The following MAPK1IP1L variants were observed in gnomAD, a reference collection of about 807,000 sequenced individuals.
MAPK1IP1L encodes mitogen-activated protein kinase 1 interacting protein 1 like.
In MAPK1IP1L, 10 loss-of-function variants were observed where a neutral mutation model predicts 18.1. The ratio of observed to expected loss-of-function variants is 0.55; its 90% CI spans 0.34 to 0.94. The LOEUF is 0.94. Among genes scored for constraint, MAPK1IP1L ranks in the 40% least tolerant of loss-of-function variants. MAPK1IP1L has a pLI of 0.02. For synonymous variants in MAPK1IP1L, 115 were observed against 117.3 expected, an observed-to-expected ratio of 0.98 and a Z score of 0.13; for missense variants, 260 against 318.2, an observed-to-expected ratio of 0.82 and a Z score of 1.39.
intron 1 of MAPK1IP1L, among the ~76,000 whole-genome samples, chr14:55,057,546 C>G (rs936937365): frequency 6.6e-6 from 1 of 152,036 alleles, no homozygotes; most frequent in African/African-American, 2.4e-5. Context: ...ATCACAAGGT[C>G]AAGAGATGGA....
At position 55,054,100 on chromosome 14, in the gene MAPK1IP1L, G is replaced by A. The variant is rs117817374; in HGVS notation, c.-5+2297G>A. ...ACCCCCGTTTTTGAGTTGCCCAAAT[G>A]TAAAAAATGGAACATAAGCAGATAA... On this transcript the variant is annotated intron_variant, in intron 1 of 3. Transcript: ENST00000395468. 9.1e-3 allele frequency among the ~76,000 whole-genome samples: 1,376 copies of A among 150,784 alleles called. 6 individuals carry two copies. The highest frequency in any genetic ancestry group is 0.014 in the Non-Finnish European group (980 of 67,780).
At position 55,066,070 on chromosome 14, in the gene MAPK1IP1L, A is replaced by G. The variant is rs1161788163; in HGVS notation, c.*1443A>G. 1 of 152,122 alleles carries G rather than the reference A, an allele frequency of 6.6e-6. No individual in the cohort carries two copies. The highest frequency in any genetic ancestry group is 6.5e-5 in the Admixed American group (1 of 15,280). The allele number at this position is 152,122 out of a possible 1,614,324, so 9.4% of individuals were successfully genotyped here. A position where few individuals can be genotyped will look rare whatever the true frequency, so the allele number is the denominator to read the frequency against. ...TAGACCTGACCTTGTTATTTATTAGATAACATTTTGAATGTATCCATTGGA... is the reference window on the plus strand; with the variant it reads ...TAGACCTGACCTTGTTATTTATTAGGTAACATTTTGAATGTATCCATTGGA... On this transcript the variant is annotated 3_prime_UTR_variant, in exon 4 of 4. Coordinates refer to ENST00000395468, the MANE Select transcript of MAPK1IP1L (RefSeq NM_144578.4).
At chr14:55,053,943 G>T (rs2042750442) in intron 1 of MAPK1IP1L, among the ~76,000 whole-genome samples, 1 of 152,156 alleles carries the variant, frequency 6.6e-6, no homozygotes, top group African/African-American at 2.4e-5. Flanking sequence ...CTTGGGACCA[G>T]AAGTGTTTCA....
rs1242825623 is a variant in MAPK1IP1L at position 55,051,813 on chromosome 14, C to T, written c.-5+10C>T. 5 of 494,904 alleles carry T rather than the reference C, an allele frequency of 1.0e-5. No individual in the cohort carries two copies. Among genetic ancestry groups the T allele is most frequent in the Non-Finnish European group, 2.0e-5 (5 of 246,390 alleles). 30.7% of individuals were successfully genotyped at this position (494,904 alleles called of 1,614,324 possible). A position where few individuals can be genotyped will look rare whatever the true frequency, so the allele number is the denominator to read the frequency against. On this transcript the variant is annotated intron_variant, in intron 1 of 3. Coordinates refer to ENST00000395468, the MANE Select transcript of MAPK1IP1L (RefSeq NM_144578.4). ...TCTCGGATATTGCCGGGTGAGGCTG[C>T]TTCGGTACTAGTGGGAGTCGTGAAG...
intron 1 of MAPK1IP1L, among the ~76,000 whole-genome samples, chr14:55,059,369 C>T (rs1297230737): frequency 6.6e-6 from 1 of 151,918 alleles, no homozygotes; most frequent in East Asian, 1.9e-4. Context: ...CAGTATCTCA[C>T]GCCTGTAATC....
chr14:55,060,154 A>ATTTTTTTTTTTT (rs71131248), intron 1 of MAPK1IP1L, among the ~76,000 whole-genome samples: 6 of 63,936 alleles, frequency 9.4e-5, no homozygotes, highest in Admixed American at 5.6e-4. Context: ...TTTTGGAGAA[A>ATTTTTTTTTTTT]TTTTTTTTTT....
At chr14:55,052,253 C>G (rs959456389) in intron 1 of MAPK1IP1L, among the ~76,000 whole-genome samples, 2 of 152,168 alleles carry the variant, frequency 1.3e-5, no homozygotes, top group African/African-American at 4.8e-5. Flanking sequence ...TCCCCTCTAC[C>G]CCCACCCTAT....
rs1368806765 is a variant in MAPK1IP1L, at chr14:55,068,328, A to G, written c.*3701A>G. 6.6e-6 allele frequency: 1 copy of G among 152,656 alleles called. No individual in the cohort carries two copies. Among genetic ancestry groups the G allele is most frequent in the East Asian group, 1.9e-4 (1 of 5,206 alleles). The allele number at this position is 152,656 out of a possible 1,614,324, so 9.5% of individuals were successfully genotyped here. On this transcript the variant is annotated 3_prime_UTR_variant, in exon 4 of 4. Coordinates refer to ENST00000395468, the MANE Select transcript of MAPK1IP1L (RefSeq NM_144578.4). ...CAATTTGCCCATGATTACCTCACAA[A>G]TAATTAGTGCTACCTGGGGTACTCT...
chr14:55,063,586 A>G (rs747915631), intron 3 of MAPK1IP1L, among the ~76,000 whole-genome samples: 1 of 152,196 alleles, frequency 6.6e-6, no homozygotes, highest in Non-Finnish European at 1.5e-5. Flanking sequence ...AGTGTCCTCA[A>G]TAGCATCCTT....
At chr14:55,056,731 A>T (rs562816068) in intron 1 of MAPK1IP1L, among the ~76,000 whole-genome samples, 9 of 152,024 alleles carry the variant, frequency 5.9e-5, no homozygotes, top group African/African-American at 1.9e-4. Flanking sequence ...GGATGGTCTC[A>T]ATCTCCTGAC....
At chr14:55,053,469 T>A (rs2042746394) in intron 1 of MAPK1IP1L, among the ~76,000 whole-genome samples, 1 of 152,252 alleles carries the variant, frequency 6.6e-6, no homozygotes, top group Admixed American at 6.5e-5. Flanking sequence ...TCCCATTTAG[T>A]TCCTCGCAAC....
chr14:55,069,522 A>T lies in MAPK1IP1L; in HGVS notation c.*4895A>T, dbSNP rs561699850. ...TGTATTATACCTGGAAACTTTTTTTAAAAAATGTATTTTCATGGTTTCACA... is the reference window on the plus strand; with the variant it reads ...TGTATTATACCTGGAAACTTTTTTTTAAAAATGTATTTTCATGGTTTCACA... On this transcript the variant is annotated 3_prime_UTR_variant, in exon 4 of 4. Coordinates refer to ENST00000395468, the MANE Select transcript of MAPK1IP1L (RefSeq NM_144578.4). The T allele has an allele frequency of 3.6e-4, 55 of 152,672 alleles. No individual in the cohort carries two copies. Among genetic ancestry groups the T allele is most frequent in the African/African-American group, 6.5e-4 (27 of 41,532 alleles). The allele number at this position is 152,672 out of a possible 1,614,324, so 9.5% of individuals were successfully genotyped here.
chr14:55,061,853 C>T, intron 2 of MAPK1IP1L, 152 bp downstream of exon 2: 1 of 589,520 alleles, frequency 1.7e-6, no homozygotes, highest in Middle Eastern at 4.5e-4. Context: ...TGGGAGGATC[C>T]CTTGACCCCA....
chr14:55,052,362 G>A (rs1194339828), intron 1 of MAPK1IP1L, among the ~76,000 whole-genome samples: 1 of 152,150 alleles, frequency 6.6e-6, no homozygotes, highest in East Asian at 1.9e-4. Context: ...CAACGTTCTG[G>A]TTATGACTTA....
rs1226036539 is a variant in MAPK1IP1L, at chr14:55,064,453, ATATT to A, written c.727-162_727-159del. On this transcript the variant is annotated intron_variant, in intron 3 of 3. Transcript: ENST00000395468. ...TAGTGTAATTTCTTTCTTGCTATAT[ATATT>A]ATCTAAAAATATTTGTTTTGCAAAG... 3.9e-5 allele frequency among the ~76,000 whole-genome samples: 6 copies of A among 152,314 alleles called. 1 individual carries two copies. In the East Asian group the frequency reaches 1.2e-3, roughly 29 times the overall value.
chr14:55,058,871 C>A (rs9806049), intron 1 of MAPK1IP1L, among the ~76,000 whole-genome samples: 75,074 of 150,804 alleles, frequency 0.5, 20,584 homozygotes, highest in African/African-American at 0.73. Flanking sequence ...TAAAAATAAC[C>A]ATAGAAAATA....
intron 2 of MAPK1IP1L, 35 bp from the exon 3 acceptor site, chr14:55,062,583 C>A (rs1202437358): frequency 1.3e-6 from 2 of 1,541,202 alleles, no homozygotes; most frequent in Non-Finnish European, 1.8e-6. Context: ...TAACTTTTCC[C>A]TAGATAGGAA....
rs1396153573 is a variant in MAPK1IP1L at position 55,067,301 on chromosome 14, CTTG to C, written c.*2678_*2680del. 1 of 149,208 alleles carries C rather than the reference CTTG, an allele frequency of 6.7e-6. No individual in the cohort carries two copies. The highest frequency in any genetic ancestry group is 2.5e-5 in the African/African-American group (1 of 40,512). 9.2% of individuals were successfully genotyped at this position (149,208 alleles called of 1,614,324 possible). A position where few individuals can be genotyped will look rare whatever the true frequency, so the allele number is the denominator to read the frequency against. On this transcript the variant is annotated 3_prime_UTR_variant, in exon 4 of 4. Coordinates refer to ENST00000395468, the MANE Select transcript of MAPK1IP1L (RefSeq NM_144578.4). ...TTTGTAAAGCATCTTTTCTTCAATT[CTTG>C]TTGGCATTCTGGGCCAAAATATTTC...
In MAPK1IP1L at chr14:55,068,521, A is replaced by G. The variant is rs1302985964; in HGVS notation, c.*3894A>G. The stretch of plus-strand genomic sequence containing the variant: ...TAGAAGCTAGCTTTATCAAATGCCA[A>G]GGTTAGAAAGCCTGGAAATAAAACT... On this transcript the variant is annotated 3_prime_UTR_variant, in exon 4 of 4. Transcript: ENST00000395468. 6.6e-6 allele frequency: 1 copy of G among 152,582 alleles called. No homozygotes were observed. The highest frequency in any genetic ancestry group is 1.5e-5 in the Non-Finnish European group (1 of 68,038). 9.5% of individuals were successfully genotyped at this position (152,582 alleles called of 1,614,324 possible).
Sources: gnomAD v4.1 joint callset for allele counts (sites outside exome capture counted in the v4.1 genomes callset) on GRCh38, gnomAD v4.1.1 for gene constraint, MANE v1.5 for transcripts, NCBI Gene and HGNC (gene_info 2026-07-23, HGNC 2026-07-21) for gene names.